The following GKN1 variants were observed in gnomAD, a reference collection of about 807,000 sequenced individuals.
The protein encoded by GKN1 is gastrokine-1.
Under a neutral mutation model 19.7 loss-of-function variants are expected in GKN1, and 17 were observed. The ratio of observed to expected loss-of-function variants is 0.86; its 90% CI spans 0.59 to 1.29. GKN1 has a LOEUF of 1.29. Among genes scored for constraint, GKN1 ranks in the 50% most tolerant of loss-of-function variants. GKN1 has a pLI of 0.00. For synonymous variants in GKN1, 96 were observed against 78.3 expected (o/e 1.23, Z -1.20); for missense variants, 218 against 224.5 (o/e 0.97, Z 0.19).
Position 68,977,653 on chromosome 2 carries a change from A to G in GKN1, c.83A>G (p.Asp28Gly). 6.2e-7 allele frequency: 1 copy of G among 1,611,124 alleles called. No homozygotes were observed. The highest frequency in any genetic ancestry group is 8.5e-7 in the Non-Finnish European group (1 of 1,177,254). Reference protein sequence around the residue: ...ALANYNINVNDDNNNAGSGQQ... With the variant: ...ALANYNINVNGDNNNAGSGQQ... ...AAACTTCAGAATATCAACGTCAATG[A>G]TGACAACAACAATGCTGGAAGTGGG... The change falls in exon 3 of 6, where the codon GAT (aspartate) becomes GGT (glycine). Residue 28 changes from aspartate to glycine, a missense_variant. Physicochemically the swap from Asp to Gly is moderately conservative, Grantham distance 94. Transcript: ENST00000377938.
rs528808964 is a variant in GKN1, at chr2:68,976,990, A to C, written c.13-505A>C. ...AAAGTTAATATTTTGACCAATCTTA[A>C]AAATTTTTAAACTCTATTCTGACAT... On this transcript the variant is annotated intron_variant, in intron 1 of 5. Transcript: ENST00000377938. 3.3e-5 allele frequency among the ~76,000 whole-genome samples: 5 copies of C among 152,290 alleles called. No homozygotes were observed. The South Asian group carries it at 6.2e-4, about 19-fold the overall frequency.
At position 68,980,967 on chromosome 2, in the gene GKN1, T is replaced by C; in HGVS notation, c.*144T>C. The C allele has an allele frequency of 1.6e-6, 1 of 618,344 alleles. No individual in the cohort carries two copies. Among genetic ancestry groups the C allele is most frequent in the South Asian group, 2.0e-5 (1 of 50,944 alleles). 38.3% of individuals were successfully genotyped at this position (618,344 alleles called of 1,614,324 possible). ...TTCTTTAAGTTTCAATAAAATCATT[T>C]AGCATTGAATTCAGTGTATACTCAC... On this transcript the variant is annotated 3_prime_UTR_variant, in exon 6 of 6. Transcript: ENST00000377938.
At chr2:68,977,882 C>T (rs1031593980) in intron 3 of GKN1, 108 bp downstream of exon 3, 2 of 902,936 alleles carry the variant, frequency 2.2e-6, no homozygotes, top group Non-Finnish European at 3.4e-6. Context: ...ATTCTAATTA[C>T]ACATAGCATA....
In GKN1 at chr2:68,980,016, A is replaced by G. The variant is rs539213815; in HGVS notation, c.419A>G (p.Asn140Ser). Residue 140 changes from asparagine (N) to serine (S), a missense_variant, in exon 5 of 6, where the codon AAC becomes AGC. Physicochemically the swap from Asn to Ser is conservative, Grantham distance 46. Transcript: ENST00000377938. ...DLSKFGKNIA[N>S]MCRGIPTYMA... ...AGCAAGTTCGGAAAAAACATTGCAA[A>G]CATGTGTCGTGGGATTCCAACATAC... The G allele has an allele frequency of 1.2e-6, 2 of 1,613,958 alleles. No individual in the cohort carries two copies. Among genetic ancestry groups the G allele is most frequent in the East Asian group, 4.5e-5 (2 of 44,882 alleles).
At position 68,974,667 on chromosome 2, in the gene GKN1, G is replaced by C. The variant is rs139153499; in HGVS notation, c.-11G>C. On this transcript the variant is annotated 5_prime_UTR_variant, in exon 1 of 6. Coordinates refer to ENST00000377938, the MANE Select transcript of GKN1 (RefSeq NM_019617.4). ...GCCTACTCCTCTGTCCACTGCTTTC[G>C]TGAAGACAAGATGAAGTTCACAGTG... 6.2e-7 allele frequency: 1 copy of C among 1,602,622 alleles called. No individual in the cohort carries two copies. Among genetic ancestry groups the C allele is most frequent in the East Asian group, 2.2e-5 (1 of 44,826 alleles).
At chr2:68,976,088 G>A (rs974498376) in intron 1 of GKN1, among the ~76,000 whole-genome samples, 2 of 151,968 alleles carry the variant, frequency 1.3e-5, no homozygotes, top group African/African-American at 2.4e-5. Flanking sequence ...TCTTGCCAGC[G>A]AGACACTCTA....
intron 1 of GKN1, among the ~76,000 whole-genome samples, chr2:68,976,856 C>T (rs1040061157): frequency 6.6e-6 from 1 of 152,132 alleles, no homozygotes; most frequent in Non-Finnish European, 1.5e-5. Context: ...CAGTTCTCTA[C>T]TTTCTAATAA....
rs763256234 is a variant in GKN1, at chr2:68,980,810, C to A, written c.545C>A (p.Thr182Lys). The A allele has an allele frequency of 6.5e-7, 1 of 1,532,136 alleles. No individual in the cohort carries two copies. The highest frequency in any genetic ancestry group is 9.0e-7 in the Non-Finnish European group (1 of 1,105,264). 94.9% of individuals were successfully genotyped at this position (1,532,136 alleles called of 1,614,324 possible). ...GTGGACATTTCCTTCTGTGGAGACACGGTGGAGAACTAAACAATTTTTTAA... is the reference window on the plus strand; with the variant it reads ...GTGGACATTTCCTTCTGTGGAGACAAGGTGGAGAACTAAACAATTTTTTAA... ...WIVDISFCGDTVEN is the reference protein window; with the variant it reads ...WIVDISFCGDKVEN The change falls in exon 6 of 6, where the codon ACG becomes AAG. Residue 182 changes from threonine to lysine, a missense_variant. Thr to Lys is a moderately conservative substitution (Grantham distance 78). Coordinates refer to ENST00000377938, the MANE Select transcript of GKN1 (RefSeq NM_019617.4).
intron 1 of GKN1, among the ~76,000 whole-genome samples, chr2:68,976,939 C>T (rs1322949241): frequency 6.6e-6 from 1 of 152,108 alleles, no homozygotes; most frequent in African/African-American, 2.4e-5. Context: ...ATAGGAAATT[C>T]ATTTGCCAAG....
intron 1 of GKN1, among the ~76,000 whole-genome samples, chr2:68,976,205 T>C (rs937352638): frequency 1.3e-5 from 2 of 152,206 alleles, no homozygotes; most frequent in African/African-American, 4.8e-5. Context: ...CATCCCATGT[T>C]AAATAGGAAA....
chr2:68,980,411 C>T (rs1219941743), intron 5 of GKN1, among the ~76,000 whole-genome samples: 2 of 152,090 alleles, frequency 1.3e-5, no homozygotes, highest in Non-Finnish European at 2.9e-5. Flanking sequence ...AGAGTAGACT[C>T]AAGTCATATT....
intron 1 of GKN1, among the ~76,000 whole-genome samples, chr2:68,976,715 A>T (rs1459770476): frequency 6.6e-6 from 1 of 152,210 alleles, no homozygotes; most frequent in Admixed American, 6.5e-5. Context: ...TAATCCAAAT[A>T]TCTACTCAAG....
intron 5 of GKN1, 50 bp from the exon 6 acceptor site, chr2:68,980,679 A>G: frequency 1.1e-6 from 1 of 938,878 alleles, no homozygotes; most frequent in South Asian, 1.3e-5. Flanking sequence ...CTCCAAGAAA[A>G]GAGTCCTTAA....
rs146025449 is a variant in GKN1 at position 68,974,653 on chromosome 2, T to C, written c.-25T>C. 3 of 1,605,260 alleles carry C rather than the reference T, an allele frequency of 1.9e-6. No individual in the cohort carries two copies. The African/African-American group carries it at 4.0e-5, about 21-fold the overall frequency. On this transcript the variant is annotated 5_prime_UTR_variant, in exon 1 of 6. Coordinates refer to ENST00000377938, the MANE Select transcript of GKN1 (RefSeq NM_019617.4). ...TCAGGTCCATGCTTGCCTACTCCTC[T>C]GTCCACTGCTTTCGTGAAGACAAGA...
intron 2 of GKN1, 36 bp downstream of exon 2, chr2:68,977,584 C>T: frequency 1.3e-5 from 21 of 1,602,006 alleles, no homozygotes; most frequent in Non-Finnish European, 1.6e-5. Flanking sequence ...TACCAAAATG[C>T]ATTTGCAAGG....
Position 68,980,158 on chromosome 2 carries a change from G to C in GKN1, c.463+98G>C. On this transcript the variant is annotated intron_variant, in intron 5 of 5. Coordinates refer to ENST00000377938, the MANE Select transcript of GKN1 (RefSeq NM_019617.4). ...TAGTGGGCACCAGTGATGCAGGGAT[G>C]GTCATCAAGGCCAACATTTGTGCAG... is the stretch of plus-strand genomic sequence containing the variant. 3 of 1,023,538 alleles carry C rather than the reference G, an allele frequency of 2.9e-6. No individual in the cohort carries two copies. In the South Asian group the frequency reaches 4.0e-5, roughly 14 times the overall value. The allele number at this position is 1,023,538 out of a possible 1,614,324, so 63.4% of individuals were successfully genotyped here. A position where few individuals can be genotyped will look rare whatever the true frequency, so the allele number is the denominator to read the frequency against.
chr2:68,980,976 A>T lies in GKN1; in HGVS notation c.*153A>T. 1.6e-6 allele frequency: 1 copy of T among 612,060 alleles called. No individual in the cohort carries two copies. 37.9% of individuals were successfully genotyped at this position (612,060 alleles called of 1,614,324 possible). On this transcript the variant is annotated 3_prime_UTR_variant, in exon 6 of 6. Coordinates refer to ENST00000377938, the MANE Select transcript of GKN1 (RefSeq NM_019617.4). ...TTTCAATAAAATCATTTAGCATTGA[A>T]TTCAGTGTATACTCACATTTCTTAC...
intron 1 of GKN1, among the ~76,000 whole-genome samples, chr2:68,975,254 G>A (rs1346874075): frequency 6.6e-6 from 1 of 152,100 alleles, no homozygotes; most frequent in Non-Finnish European, 1.5e-5. Context: ...CAGGAAAGAT[G>A]AAAAGCTTAT....
At position 68,978,980 on chromosome 2, in the gene GKN1, A is replaced by G; in HGVS notation, c.314A>G (p.Lys105Arg). Residue 105 changes from lysine to arginine, a missense_variant and splice_region_variant, in exon 4 of 6, where the codon AAG (lysine) becomes AGG (arginine). Coordinates refer to ENST00000377938, the MANE Select transcript of GKN1 (RefSeq NM_019617.4). ...CTTGATGCACTGGTCAAGGAAAAGA[A>G]GGTAAAAATAAAAGGCTTTTTATTT... ...QSLDALVKEK[K>R]LQGKGPGGPP... 1 of 1,520,260 alleles carries G rather than the reference A, an allele frequency of 6.6e-7. No individual in the cohort carries two copies. The allele number at this position is 1,520,260 out of a possible 1,614,324, so 94.2% of individuals were successfully genotyped here.
Sources: gnomAD v4.1 joint callset for allele counts (sites outside exome capture counted in the v4.1 genomes callset) on GRCh38, gnomAD v4.1.1 for gene constraint, MANE v1.5 for transcripts, NCBI Gene and HGNC (gene_info 2026-07-23, HGNC 2026-07-21) for gene names.